Variants in LINGO2 observed in about 807,000 individuals in gnomAD.
LINGO2 encodes leucine rich repeat and Ig domain containing 2.
LINGO2 carries 14 observed loss-of-function variants against 30.6 expected under a neutral mutation model. The ratio of observed to expected loss-of-function variants is 0.46; its 90% CI spans 0.30 to 0.72. The LOEUF is 0.72. LINGO2 is among the 30% of genes least tolerant of loss of function. The pLI, the probability that LINGO2 is intolerant of heterozygous loss-of-function variation, is 0.07. For missense variants in LINGO2, 729 were observed against 751.7 expected (o/e 0.97, Z 0.35); for synonymous variants, 317 against 288.5 (o/e 1.10, Z -1.00).
the LINGO2 span, among the ~76,000 whole-genome samples, chr9:28,735,819 C>A: frequency 4.0e-5 from 6 of 151,756 alleles, no homozygotes; most frequent in African/African-American, 1.5e-4. Flanking sequence ...ATTAAGCCAT[C>A]ACATATTTGA....
intron 2 of LINGO2, among the ~76,000 whole-genome samples, chr9:28,404,900 T>TTGTGTG (rs60281661): frequency 0.16 from 16,720 of 102,392 alleles, 1,029 homozygotes; most frequent in South Asian, 0.25. Flanking sequence ...CTCAGCCGCT[T>TTGTGTG]TGTGTGTGTG....
chr9:28,314,800 C>T (rs965095179), intron 3 of LINGO2, among the ~76,000 whole-genome samples: 2 of 151,766 alleles, frequency 1.3e-5, no homozygotes, highest in South Asian at 2.1e-4. Flanking sequence ...CTGGCTAACA[C>T]GATGAAACCC....
chr9:28,492,927 C>A (rs1250831428), intron 1 of LINGO2, among the ~76,000 whole-genome samples: 2 of 152,116 alleles, frequency 1.3e-5, no homozygotes, highest in Non-Finnish European at 2.9e-5. Context: ...TGCAGCTCAC[C>A]AGATTTCAAA....
At chr9:28,792,074 T>C in the LINGO2 span, among the ~76,000 whole-genome samples, 13 of 151,634 alleles carry the variant, frequency 8.6e-5, no homozygotes, top group South Asian at 2.3e-3. Context: ...TATGTATGTA[T>C]ATTTATGTAC....
the LINGO2 span, among the ~76,000 whole-genome samples, chr9:29,201,112 T>C: frequency 3.3e-5 from 5 of 152,068 alleles, no homozygotes; most frequent in Non-Finnish European, 7.4e-5. Context: ...TTTCTATGCA[T>C]ACTGTTTAGA....
chr9:28,563,511 A>T (rs1823210635), intron 1 of LINGO2, among the ~76,000 whole-genome samples: 1 of 152,192 alleles, frequency 6.6e-6, no homozygotes, highest in Non-Finnish European at 1.5e-5. Context: ...TTGCATTATA[A>T]AAATAGAAAC....
intron 4 of LINGO2, among the ~76,000 whole-genome samples, chr9:28,179,133 C>A (rs1828828604): frequency 6.6e-6 from 1 of 151,320 alleles, no homozygotes; most frequent in Admixed American, 6.6e-5. Context: ...ATTTAAAGTT[C>A]CTCCTATATT....
chr9:29,202,831 G>A, the LINGO2 span, among the ~76,000 whole-genome samples: 6 of 152,114 alleles, frequency 3.9e-5, no homozygotes, highest in Non-Finnish European at 7.4e-5. Flanking sequence ...AATAGGACCA[G>A]AAGCTCCAGG....
the LINGO2 span, among the ~76,000 whole-genome samples, chr9:29,077,534 G>A: frequency 6.6e-6 from 1 of 151,988 alleles, no homozygotes; most frequent in Non-Finnish European, 1.5e-5. Context: ...TTTACTGCTT[G>A]TTAAATCAAA....
intron 4 of LINGO2, among the ~76,000 whole-genome samples, chr9:28,154,926 A>C (rs1371931135): frequency 6.6e-6 from 1 of 152,222 alleles, no homozygotes; most frequent in Admixed American, 6.5e-5. Context: ...AAAAATCATG[A>C]ATCACTAGCT....
exon 6 of LINGO2, chr9:27,950,483 G>A: frequency 1.9e-6 from 3 of 1,601,576 alleles, no homozygotes; most frequent in Non-Finnish European, 2.6e-6. Flanking sequence ...TTTTACTGAG[G>A]TCCAAGATTT....
At chr9:27,948,788 G>A in exon 6 of LINGO2, 1 of 1,520,670 alleles carries the variant, frequency 6.6e-7, no homozygotes, top group Non-Finnish European at 8.9e-7. Flanking sequence ...GTAATTTACT[G>A]TGCCATACTG....
At chr9:28,080,211 T>C (rs1825735436) in intron 4 of LINGO2, among the ~76,000 whole-genome samples, 1 of 152,248 alleles carries the variant, frequency 6.6e-6, no homozygotes, top group African/African-American at 2.4e-5. Flanking sequence ...TGTTTTCTTA[T>C]GTCTTTGCTT....
At chr9:29,113,458 C>A in the LINGO2 span, among the ~76,000 whole-genome samples, 225 of 151,934 alleles carry the variant, frequency 1.5e-3, 1 homozygote, top group East Asian at 0.032. Context: ...CCATCCATGT[C>A]AATTTTGGAG....
At chr9:28,540,686 G>T (rs550236533) in intron 1 of LINGO2, among the ~76,000 whole-genome samples, 31 of 152,250 alleles carry the variant, frequency 2.0e-4, no homozygotes, top group African/African-American at 7.5e-4. Flanking sequence ...TTAGTCACTA[G>T]GACTTAGATA....
At chr9:28,394,543 A>G (rs907027669) in intron 2 of LINGO2, among the ~76,000 whole-genome samples, 2 of 152,150 alleles carry the variant, frequency 1.3e-5, no homozygotes, top group African/African-American at 4.8e-5. Context: ...CCTAAATTAT[A>G]GCCTTTTTGA....
At chr9:28,102,145 A>G (rs1826435602) in intron 4 of LINGO2, among the ~76,000 whole-genome samples, 1 of 151,232 alleles carries the variant, frequency 6.6e-6, no homozygotes, top group Admixed American at 6.6e-5. Context: ...GTCAATTAAA[A>G]TCAGCTTAGA....
In LINGO2 at chr9:28,574,060, A is replaced by T. The variant is rs1182340652; in HGVS notation, c.-365+96140T>A. On this transcript the variant is annotated intron_variant, in intron 1 of 5. Transcript: ENST00000379992. ...TCCCATGATTCACTGATACTTGATG[A>T]AATACTGATCTTTATATACAAATCA... is the stretch of plus-strand genomic sequence containing the variant. Among the ~76,000 whole-genome samples the T allele has an allele frequency of 3.3e-5, 5 of 152,316 alleles. No homozygotes were observed. In the East Asian group the frequency reaches 9.6e-4, roughly 29 times the overall value.
intron 4 of LINGO2, among the ~76,000 whole-genome samples, chr9:28,125,428 T>G (rs1203579001): frequency 6.6e-6 from 1 of 152,208 alleles, no homozygotes; most frequent in Non-Finnish European, 1.5e-5. Flanking sequence ...ACATAAAAAC[T>G]TCTTTTAGCA....
Sources: allele counts gnomAD v4.1 joint callset (sites outside exome capture counted in the v4.1 genomes callset), GRCh38; gene constraint gnomAD v4.1.1; transcripts MANE v1.5; gene names NCBI Gene and HGNC (gene_info 2026-07-23, HGNC 2026-07-21).